CACNA2D3: variants seen among roughly 807,000 people sequenced by gnomAD.
The protein encoded by CACNA2D3 is calcium voltage-gated channel auxiliary subunit alpha2delta 3.
A neutral mutation model predicts 160.6 loss-of-function variants in CACNA2D3; 60 were observed. That is an observed-to-expected ratio of 0.37 (90% CI 0.30 to 0.46). The LOEUF is 0.46. Among genes scored for constraint, CACNA2D3 ranks in the 20% least tolerant of loss-of-function variants. The probability of loss-of-function intolerance (pLI) is 1.00; values close to 1 mark genes in which losing one functional copy is unlikely to be tolerated. For synonymous variants in CACNA2D3, 558 were observed against 492.9 expected (o/e 1.13, Z -1.75); for missense variants, 1,205 against 1,365.0 (o/e 0.88, Z 1.85).
rs538572114 is a variant in CACNA2D3 at position 54,130,145 on chromosome 3, C to T, written c.204+6551C>T. ...TATTAAGAATTCCAGGATGTGGCAG[C>T]AGAGCCTCAGACCAACTGCGGGGCC... On this transcript the variant is annotated intron_variant, in intron 2 of 37. Coordinates refer to ENST00000474759, the MANE Select transcript of CACNA2D3 (RefSeq NM_018398.3). Among the ~76,000 whole-genome samples, 765 of 152,328 alleles carry T rather than the reference C, an allele frequency of 5.0e-3. 6 individuals carry two copies. Among genetic ancestry groups the T allele is most frequent in the Non-Finnish European group, 4.8e-3 (328 of 68,036 alleles).
At chr3:54,210,799 T>G (rs908351692) in intron 2 of CACNA2D3, among the ~76,000 whole-genome samples, 3 of 152,158 alleles carry the variant, frequency 2.0e-5, no homozygotes, top group Non-Finnish European at 4.4e-5. Flanking sequence ...CCCTGACCTG[T>G]GCTGAGACTA....
intron 35 of CACNA2D3, among the ~76,000 whole-genome samples, chr3:55,051,983 C>A (rs1704231242): frequency 6.6e-6 from 1 of 152,118 alleles, no homozygotes; most frequent in Non-Finnish European, 1.5e-5. Flanking sequence ...GTGCACACAC[C>A]CATGACCTGC....
chr3:54,937,590 A>G (rs1255970238), intron 27 of CACNA2D3, among the ~76,000 whole-genome samples: 2 of 152,188 alleles, frequency 1.3e-5, no homozygotes, highest in East Asian at 1.9e-4. Flanking sequence ...TTAAAAGTGC[A>G]AGGAAAAAGA....
chr3:54,173,579 G>A (rs779551817), intron 2 of CACNA2D3, among the ~76,000 whole-genome samples: 3 of 152,142 alleles, frequency 2.0e-5, no homozygotes, highest in African/African-American at 4.8e-5. Flanking sequence ...TTATGGAAAC[G>A]GAAACAGTCT....
chr3:54,602,273 G>A (rs903474775), intron 9 of CACNA2D3, among the ~76,000 whole-genome samples: 6 of 152,078 alleles, frequency 3.9e-5, no homozygotes, highest in African/African-American at 4.8e-5. Flanking sequence ...CGAGGCAGGC[G>A]GATCACCTGA....
intron 2 of CACNA2D3, among the ~76,000 whole-genome samples, chr3:54,195,506 A>G (rs569742257): frequency 2.7e-5 from 4 of 149,550 alleles, no homozygotes; most frequent in Admixed American, 6.6e-5. Context: ...AAACTTTTAC[A>G]GTATTAAGGC....
At position 54,524,535 on chromosome 3, in the gene CACNA2D3, A is replaced by G. The variant is rs533686565; in HGVS notation, c.544+20881A>G. Among the ~76,000 whole-genome samples, 5 of 152,206 alleles carry G rather than the reference A, an allele frequency of 3.3e-5. No homozygotes were observed. The South Asian group carries it at 8.3e-4, about 25-fold the overall frequency. On this transcript the variant is annotated intron_variant, in intron 5 of 37. Transcript: ENST00000474759. ...TAGTGTTTTGGAATCCTTTATTTCC[A>G]TATTAATCTTCTGCCTAGTTGTTTT...
intron 11 of CACNA2D3, among the ~76,000 whole-genome samples, chr3:54,649,649 A>ACTCAT (rs1429443412): frequency 6.6e-6 from 1 of 152,186 alleles, no homozygotes; most frequent in African/African-American, 2.4e-5. Flanking sequence ...GAGTCAAATG[A>ACTCAT]GGAAGCAAGC....
In CACNA2D3 at chr3:54,770,360, C is replaced by T. The variant is rs184950199; in HGVS notation, c.1380+6009C>T. On this transcript the variant is annotated intron_variant, in intron 13 of 37. Transcript: ENST00000474759. ...TGGCCAAAGATTCGTTTGATGAATC[C>T]GATTTTTCCAAAATAAGCGATTCTG... Among the ~76,000 whole-genome samples the T allele has an allele frequency of 9.9e-5, 15 of 152,124 alleles. No individual in the cohort carries two copies. The East Asian group carries it at 2.9e-3, about 29-fold the overall frequency.
chr3:54,974,662 G>A (rs1026824170), intron 29 of CACNA2D3, among the ~76,000 whole-genome samples: 7 of 152,204 alleles, frequency 4.6e-5, no homozygotes, highest in Non-Finnish European at 1.0e-4. Context: ...GCAGGAAGAT[G>A]CCTTTTTTAA....
chr3:54,290,571 A>G (rs1187346786), intron 2 of CACNA2D3, among the ~76,000 whole-genome samples: 1 of 150,996 alleles, frequency 6.6e-6, no homozygotes, highest in Non-Finnish European at 1.5e-5. Flanking sequence ...ATATACCCAA[A>G]GGACTATAAA....
At chr3:54,956,790 C>T (rs1701907319) in intron 27 of CACNA2D3, among the ~76,000 whole-genome samples, 1 of 152,086 alleles carries the variant, frequency 6.6e-6, no homozygotes, top group Non-Finnish European at 1.5e-5. Flanking sequence ...TGCAAATATT[C>T]TAGAGTGTTT....
At chr3:54,193,527 A>C (rs1158174119) in intron 2 of CACNA2D3, among the ~76,000 whole-genome samples, 1 of 152,198 alleles carries the variant, frequency 6.6e-6, no homozygotes. Context: ...ATCTCATTTA[A>C]TCTTCATAAC....
intron 13 of CACNA2D3, among the ~76,000 whole-genome samples, chr3:54,776,663 T>C (rs1702430863): frequency 6.6e-6 from 1 of 152,216 alleles, no homozygotes. Flanking sequence ...CTGAGGTTTC[T>C]GTAACTTACA....
rs150548246 is a variant in CACNA2D3 at position 54,978,708 on chromosome 3, A to G, written c.2557-5900A>G. On this transcript the variant is annotated intron_variant, in intron 29 of 37. Coordinates refer to ENST00000474759, the MANE Select transcript of CACNA2D3 (RefSeq NM_018398.3). ...TGAGGTTGCTAGCTGATTCCAATACATGCCCAGAATTAGAATATTGATCCA... is the reference window on the plus strand; with the variant it reads ...TGAGGTTGCTAGCTGATTCCAATACGTGCCCAGAATTAGAATATTGATCCA... Among the ~76,000 whole-genome samples the G allele has an allele frequency of 7.9e-3, 1,199 of 152,344 alleles. 24 individuals are homozygous for G. The highest frequency in any genetic ancestry group is 0.027 in the African/African-American group (1,141 of 41,576).
intron 35 of CACNA2D3, among the ~76,000 whole-genome samples, chr3:55,020,512 T>A (rs1311953766): frequency 6.6e-6 from 1 of 151,286 alleles, no homozygotes; most frequent in Non-Finnish European, 1.5e-5. Context: ...GTATGTAGAA[T>A]GTCTAATGTG....
intron 4 of CACNA2D3, among the ~76,000 whole-genome samples, chr3:54,464,978 G>A (rs1239966279): frequency 6.6e-6 from 1 of 151,982 alleles, no homozygotes; most frequent in Admixed American, 6.5e-5. Flanking sequence ...TCCATAATGT[G>A]AACATTTGTT....
intron 35 of CACNA2D3, among the ~76,000 whole-genome samples, chr3:55,038,664 A>G (rs9853714): frequency 0.2 from 29,896 of 151,550 alleles, 3,360 homozygotes; most frequent in African/African-American, 0.29. Context: ...AACCTGTTGA[A>G]CTCTTTTTAA....
intron 13 of CACNA2D3, among the ~76,000 whole-genome samples, chr3:54,813,940 C>T (rs371140692): frequency 6.7e-6 from 1 of 149,830 alleles, no homozygotes; most frequent in East Asian, 2.0e-4. Flanking sequence ...TCAGGGCTCA[C>T]AGCAGCCTCA....
Sources: allele counts gnomAD v4.1 joint callset (sites outside exome capture counted in the v4.1 genomes callset), GRCh38; gene constraint gnomAD v4.1.1; transcripts MANE v1.5; gene names NCBI Gene and HGNC (gene_info 2026-07-23, HGNC 2026-07-21).